The following ATP10B variants were observed in gnomAD, a reference collection of about 807,000 sequenced individuals.
The protein encoded by ATP10B is ATPase phospholipid transporting 10B (putative), also known as phospholipid-transporting ATPase VB.
Under a neutral mutation model 141.2 loss-of-function variants are expected in ATP10B, and 122 were observed. The ratio of observed to expected loss-of-function variants is 0.86; its 90% CI spans 0.75 to 1.00. The LOEUF (loss-of-function observed/expected upper bound fraction) is 1.00, where lower values mean the gene tolerates loss of function less well. Ranked by LOEUF, ATP10B falls within the 50% of genes least tolerant of loss-of-function variation. ATP10B has a pLI of 0.00. For missense variants in ATP10B, 1,876 were observed against 1,825.3 expected (o/e 1.03, Z -0.51); for synonymous variants, 685 against 692.0 (o/e 0.99, Z 0.16).
chr5:160,897,280 A>G, the ATP10B span, among the ~76,000 whole-genome samples: 1 of 152,228 alleles, frequency 6.6e-6, no homozygotes, highest in Admixed American at 6.5e-5. Flanking sequence ...ACATGATTGT[A>G]TATTTAGAAA....
At chr5:160,621,471 A>G (rs1272338385) in intron 14 of ATP10B, among the ~76,000 whole-genome samples, 1 of 152,170 alleles carries the variant, frequency 6.6e-6, no homozygotes, top group Non-Finnish European at 1.5e-5. Flanking sequence ...GAAAATTGGG[A>G]GGTGCCTACT....
chr5:160,880,913 C>G, the ATP10B span, among the ~76,000 whole-genome samples: 1 of 152,164 alleles, frequency 6.6e-6, no homozygotes, highest in Non-Finnish European at 1.5e-5. Context: ...TAAAGGCACA[C>G]TCCATGAAAG....
rs181465398 is a variant in ATP10B, at chr5:160,702,002, C to T, written c.-204-13059G>A. ...CCTCCTGGGAACAGTAACCCCTCTACCCCAGTACTTTATGAGGTCAGTTGC... is the reference window on the plus strand; with the variant it reads ...CCTCCTGGGAACAGTAACCCCTCTATCCCAGTACTTTATGAGGTCAGTTGC... On this transcript the variant is annotated intron_variant, in intron 3 of 25. Coordinates refer to ENST00000327245, the MANE Select transcript of ATP10B (RefSeq NM_025153.3). Among the ~76,000 whole-genome samples, 369 of 151,218 alleles carry T rather than the reference C, an allele frequency of 2.4e-3. 1 individual carries two copies. Among genetic ancestry groups the T allele is most frequent in the African/African-American group, 8.7e-3 (359 of 41,184 alleles).
At chr5:160,759,327 T>C (rs1194001348) in intron 2 of ATP10B, among the ~76,000 whole-genome samples, 3 of 152,186 alleles carry the variant, frequency 2.0e-5, no homozygotes, top group African/African-American at 7.2e-5. Context: ...GGAATGACGA[T>C]TGACATTTTG....
intron 2 of ATP10B, among the ~76,000 whole-genome samples, chr5:160,767,380 C>T (rs1385825115): frequency 6.6e-6 from 1 of 151,688 alleles, no homozygotes; most frequent in African/African-American, 2.4e-5. Context: ...TATTTTAATC[C>T]ATAAAAAGAA....
At chr5:160,631,508 G>T (rs1296696285) in intron 13 of ATP10B, among the ~76,000 whole-genome samples, 1 of 152,226 alleles carries the variant, frequency 6.6e-6, no homozygotes, top group Non-Finnish European at 1.5e-5. Context: ...GGAATGAAAT[G>T]GTCTGGGTAA....
chr5:160,650,118 T>TTATATATATATATA (rs147437606), intron 7 of ATP10B, among the ~76,000 whole-genome samples: 4 of 145,970 alleles, frequency 2.7e-5, no homozygotes, highest in African/African-American at 1.0e-4. Context: ...AAAAAAAATT[T>TTATATATATATATA]TATATATATA....
At chr5:160,604,519 G>A (rs951638694) in intron 19 of ATP10B, among the ~76,000 whole-genome samples, 1 of 152,172 alleles carries the variant, frequency 6.6e-6, no homozygotes, top group African/African-American at 2.4e-5. Context: ...ACCATATCAA[G>A]ACAACTGGAC....
chr5:160,901,963 G>A, the ATP10B span, among the ~76,000 whole-genome samples: 1 of 152,162 alleles, frequency 6.6e-6, no homozygotes, highest in African/African-American at 2.4e-5. Flanking sequence ...GTAAAATAAA[G>A]TTAATTTGCC....
At chr5:160,695,903 G>T (rs558241283) in intron 3 of ATP10B, among the ~76,000 whole-genome samples, 1 of 151,944 alleles carries the variant, frequency 6.6e-6, no homozygotes, top group Non-Finnish European at 1.5e-5. Context: ...AAAAAGAAAA[G>T]ATTTCCTATT....
intron 1 of ATP10B, among the ~76,000 whole-genome samples, chr5:160,820,303 G>A (rs59099511): frequency 0.34 from 51,691 of 151,682 alleles, 9,825 homozygotes; most frequent in East Asian, 0.45. Context: ...CTGGACACAT[G>A]CAACCTACCA....
chr5:160,626,455 C>G (rs546861298), intron 13 of ATP10B, among the ~76,000 whole-genome samples: 1 of 152,192 alleles, frequency 6.6e-6, no homozygotes, highest in South Asian at 2.1e-4. Context: ...TGGTTAGTAT[C>G]ATTCCACTTT....
intron 3 of ATP10B, among the ~76,000 whole-genome samples, chr5:160,706,674 T>G (rs915364063): frequency 1.3e-5 from 2 of 152,192 alleles, no homozygotes; most frequent in Non-Finnish European, 2.9e-5. Context: ...GCAACGATAA[T>G]ACAGAGAGTT....
chr5:160,742,187 G>A (rs1352366414), intron 2 of ATP10B, among the ~76,000 whole-genome samples: 1 of 152,214 alleles, frequency 6.6e-6, no homozygotes, highest in Non-Finnish European at 1.5e-5. Context: ...GGATAGGAGA[G>A]TATCTTGAAA....
chr5:160,748,429 T>C (rs546792836), intron 2 of ATP10B, among the ~76,000 whole-genome samples: 9 of 152,336 alleles, frequency 5.9e-5, no homozygotes, highest in African/African-American at 2.2e-4. Context: ...TTGATAGCAT[T>C]TCCCAATTAA....
chr5:160,736,387 A>G (rs1767114011), intron 2 of ATP10B, among the ~76,000 whole-genome samples: 1 of 152,228 alleles, frequency 6.6e-6, no homozygotes, highest in Non-Finnish European at 1.5e-5. Flanking sequence ...CTAGACACAT[A>G]CAACCTACCA....
chr5:160,626,694 T>C (rs1237242220), intron 13 of ATP10B, among the ~76,000 whole-genome samples: 1 of 152,216 alleles, frequency 6.6e-6, no homozygotes, highest in African/African-American at 2.4e-5. Flanking sequence ...GCATTGGCAA[T>C]TCTGACAAAC....
intron 21 of ATP10B, among the ~76,000 whole-genome samples, chr5:160,602,006 T>A (rs543066594): frequency 6.6e-6 from 1 of 152,206 alleles, no homozygotes; most frequent in Non-Finnish European, 1.5e-5. Context: ...GCTGGCTCTA[T>A]ATACAGAGGA....
chr5:160,706,993 C>T (rs1489271939), intron 3 of ATP10B, among the ~76,000 whole-genome samples: 3 of 152,116 alleles, frequency 2.0e-5, no homozygotes, highest in African/African-American at 7.2e-5. Flanking sequence ...CTTTGTCGCC[C>T]AGGCTGGAGT....
Sources: allele counts gnomAD v4.1 joint callset (sites outside exome capture counted in the v4.1 genomes callset), GRCh38; gene constraint gnomAD v4.1.1; transcripts MANE v1.5; gene names NCBI Gene and HGNC (gene_info 2026-07-23, HGNC 2026-07-21).